B3GAT1: variants seen among roughly 807,000 people sequenced by gnomAD.
The protein encoded by B3GAT1 is galactosylgalactosylxylosylprotein 3-beta-glucuronosyltransferase 1.
In B3GAT1, 11 loss-of-function variants were observed where a neutral mutation model predicts 28.4. The observed-to-expected ratio is 0.39, with a 90% CI of 0.24 to 0.64. The LOEUF is 0.64. Among genes scored for constraint, B3GAT1 ranks in the 30% least tolerant of loss-of-function variants. The pLI is 0.50. For synonymous variants in B3GAT1, 255 were observed against 223.1 expected (o/e 1.14, Z -1.27); for missense variants, 375 against 491.0 (o/e 0.76, Z 2.23).
chr11:134,390,593 A>C (rs1304043978), intron 1 of B3GAT1: 1 of 152,272 alleles, frequency 6.6e-6, no homozygotes, highest in Non-Finnish European at 1.5e-5. Flanking sequence ...TTGTTTATAC[A>C]AACTTCCCTA....
chr11:134,393,522 C>T lies in B3GAT1; in HGVS notation c.-281-5582G>A, dbSNP rs1413383839. The stretch of plus-strand genomic sequence containing the variant: ...TGGTGAGCAGTCTGAGTGTAGCACC[C>T]TTTAGAATATGACTTTTCCCTGCCA... On this transcript the variant is annotated intron_variant, in intron 1 of 5. Transcript: ENST00000312527. The surrounding 1 kb of genome is among the most constrained non-coding windows in gnomAD (Gnocchi z 4.0). Among the ~76,000 whole-genome samples, 5 of 152,192 alleles carry T rather than the reference C, an allele frequency of 3.3e-5. No homozygotes were observed. Among genetic ancestry groups the T allele is most frequent in the Non-Finnish European group, 7.3e-5 (5 of 68,036 alleles).
intron 1 of B3GAT1, among the ~76,000 whole-genome samples, chr11:134,400,424 A>G (rs1487262630): frequency 2.0e-5 from 3 of 152,210 alleles, no homozygotes; most frequent in Non-Finnish European, 4.4e-5. Flanking sequence ...CAAATGAGGG[A>G]ATCAACGGAA....
At chr11:134,403,768 G>T (rs147725867) in intron 1 of B3GAT1, among the ~76,000 whole-genome samples, 1 of 152,052 alleles carries the variant, frequency 6.6e-6, no homozygotes, top group East Asian at 1.9e-4. Flanking sequence ...TAAAAAGGGA[G>T]AACATTTTAA....
rs1565463028 is a variant in B3GAT1 at position 134,412,098 on chromosome 11, G to GGGGA, written c.-574_-573insTCCC. Among the ~76,000 whole-genome samples the GGGGA allele has an allele frequency of 0.011, 520 of 48,258 alleles. 6 individuals are homozygous for GGGGA. The highest frequency in any genetic ancestry group is 0.031 in the South Asian group (40 of 1,310). 31.7% of individuals were successfully genotyped at this position (48,258 alleles called of 152,430 possible). On this transcript the variant is annotated 5_prime_UTR_variant, in exon 1 of 6. Transcript: ENST00000312527. ...GCGGGCAGGGAGGCGGGGGGCGGGG[G>GGGGA]GCGGGGAGGGGGAGCGGGGAGGGGG... is the stretch of plus-strand genomic sequence containing the variant.
intron 2 of B3GAT1, chr11:134,387,215 T>A: frequency 4.8e-5 from 13 of 269,570 alleles, no homozygotes; most frequent in Non-Finnish European, 7.1e-5. Context: ...ACTTCCCACC[T>A]CCCCCTCCCT....
In B3GAT1 at chr11:134,393,920, C is replaced by G. The variant is rs1335572105; in HGVS notation, c.-281-5980G>C. Among the ~76,000 whole-genome samples, 1 of 152,164 alleles carries G rather than the reference C, an allele frequency of 6.6e-6. No homozygotes were observed. Among genetic ancestry groups the G allele is most frequent in the Non-Finnish European group, 1.5e-5 (1 of 68,018 alleles). ...CTTTGTCCCACAGATCTCCAGGTGC[C>G]CCTAATGGGATCAGCGGATTAGTAT... On this transcript the variant is annotated intron_variant, in intron 1 of 5. Coordinates refer to ENST00000312527, the MANE Select transcript of B3GAT1 (RefSeq NM_054025.3). The surrounding 1 kb of genome is among the most constrained non-coding windows in gnomAD (Gnocchi z 4.0).
intron 1 of B3GAT1, among the ~76,000 whole-genome samples, chr11:134,401,751 TA>T (rs960461919): frequency 1.3e-5 from 2 of 151,672 alleles, no homozygotes; most frequent in East Asian, 1.9e-4. Flanking sequence ...ATAAAAAATT[TA>T]AAAAAAAGTA....
chr11:134,397,054 C>A lies in B3GAT1; in HGVS notation c.-281-9114G>T, dbSNP rs1471161507. Among the ~76,000 whole-genome samples the A allele has an allele frequency of 4.6e-5, 7 of 152,312 alleles. No individual in the cohort carries two copies. The East Asian group carries it at 1.4e-3, about 29-fold the overall frequency. On this transcript the variant is annotated intron_variant, in intron 1 of 5. Transcript: ENST00000312527. ...AAGCAGCTCTCATCCAAGCCCCCTT[C>A]TTTCTGTCATGGTCCCGGCATGAAA...
Position 134,383,794 on chromosome 11 carries a change from C to T in B3GAT1, c.507G>A (p.Gln169=). ...GCAGCCAGCGCAGGGCCAGGTTGCG[C>T]TGCATGGTGCCCCGCGGGATGCGTG... ...RDPRIPRGTM[Q]RNLALRWLRE... is the part of the protein sequence containing the mutation. Residue 169 remains glutamine, a synonymous_variant, in exon 3 of 6, where the codon CAG becomes CAA. Coordinates refer to ENST00000312527, the MANE Select transcript of B3GAT1 (RefSeq NM_054025.3). 2 of 1,597,284 alleles carry T rather than the reference C, an allele frequency of 1.3e-6. No homozygotes were observed. Among genetic ancestry groups the T allele is most frequent in the Non-Finnish European group, 1.7e-6 (2 of 1,172,590 alleles).
At position 134,384,390 on chromosome 11, in the gene B3GAT1, G is replaced by C; in HGVS notation, c.113-202C>G. 4 of 630,290 alleles carry C rather than the reference G, an allele frequency of 6.3e-6. No homozygotes were observed. In the South Asian group the frequency reaches 7.5e-5, roughly 12 times the overall value. The allele number at this position is 630,290 out of a possible 1,614,324, so 39.0% of individuals were successfully genotyped here. A position where few individuals can be genotyped will look rare whatever the true frequency, so the allele number is the denominator to read the frequency against. ...TCCTCTCTGGGAGGGTCCTAGCTCT[G>C]ATGACACAGACATAACCTCTTCCTT... On this transcript the variant is annotated intron_variant, in intron 2 of 5. Coordinates refer to ENST00000312527, the MANE Select transcript of B3GAT1 (RefSeq NM_054025.3).
rs901099999 is a variant in B3GAT1, at chr11:134,393,386, G to A, written c.-281-5446C>T. Among the ~76,000 whole-genome samples, 1 of 152,178 alleles carries A rather than the reference G, an allele frequency of 6.6e-6. No homozygotes were observed. Among genetic ancestry groups the A allele is most frequent in the Non-Finnish European group, 1.5e-5 (1 of 68,034 alleles). On this transcript the variant is annotated intron_variant, in intron 1 of 5. Transcript: ENST00000312527. This position sits in a 1 kb window ranked among gnomAD's most constrained non-coding sequence, Gnocchi z 4.0. ...TGGCTCTCAGCACTTCCGCTCAGCC[G>A]ACACGGGGTCAGGGAGGTCTGTGCT...
At chr11:134,381,719 C>G in intron 5 of B3GAT1, 1 of 563,438 alleles carries the variant, frequency 1.8e-6, no homozygotes, top group South Asian at 2.2e-5. Flanking sequence ...GCAGAAGGAC[C>G]CAGCTGCGTG....
chr11:134,383,249 C>T (rs1198114575), intron 3 of B3GAT1, among the ~76,000 whole-genome samples: 2 of 152,162 alleles, frequency 1.3e-5, no homozygotes, highest in African/African-American at 4.8e-5. Flanking sequence ...TTCCCCTTCT[C>T]AGCGTGGCCC....
intron 1 of B3GAT1, chr11:134,389,359 TC>T: frequency 6.6e-6 from 1 of 152,310 alleles, no homozygotes; most frequent in Non-Finnish European, 1.5e-5. Flanking sequence ...AGAAGAGGGG[TC>T]CCCGCAGGGG....
rs771584558 is a variant in B3GAT1 at position 134,387,878 on chromosome 11, A to C, written c.-219T>G. 2 of 1,515,396 alleles carry C rather than the reference A, an allele frequency of 1.3e-6. No individual in the cohort carries two copies. The highest frequency in any genetic ancestry group is 1.8e-6 in the Non-Finnish European group (2 of 1,133,876). The allele number at this position is 1,515,396 out of a possible 1,614,324, so 93.9% of individuals were successfully genotyped here. On this transcript the variant is annotated 5_prime_UTR_variant, in exon 2 of 6. Coordinates refer to ENST00000312527, the MANE Select transcript of B3GAT1 (RefSeq NM_054025.3). ...AAGCAGGTTTGGAGAGTCCGGCCCA[A>C]CTGGAGTCTGAGAAGGGGTCGCTGT...
rs1944509915 is a variant in B3GAT1 at position 134,396,633 on chromosome 11, A to T, written c.-281-8693T>A. Among the ~76,000 whole-genome samples, 3 of 152,126 alleles carry T rather than the reference A, an allele frequency of 2.0e-5. No homozygotes were observed. In the South Asian group the frequency reaches 6.2e-4, roughly 32 times the overall value. On this transcript the variant is annotated intron_variant, in intron 1 of 5. Coordinates refer to ENST00000312527, the MANE Select transcript of B3GAT1 (RefSeq NM_054025.3). ...GCTGTCAGGATAACTAGAAAAAAAA[A>T]AATCAGGCAAACCGTCTGCCACATA...
At chr11:134,400,029 T>C (rs1479744350) in intron 1 of B3GAT1, among the ~76,000 whole-genome samples, 1 of 152,120 alleles carries the variant, frequency 6.6e-6, no homozygotes, top group African/African-American at 2.4e-5. Flanking sequence ...CCTGCTGTCA[T>C]GCTGCCCTAG....
chr11:134,397,481 G>C (rs1396767774), intron 1 of B3GAT1, among the ~76,000 whole-genome samples: 1 of 152,228 alleles, frequency 6.6e-6, no homozygotes, highest in Admixed American at 6.5e-5. Context: ...CCTGTGGTGA[G>C]ATGCAACGTG....
At chr11:134,387,275 C>T (rs762021948) in intron 2 of B3GAT1, 3 of 422,292 alleles carry the variant, frequency 7.1e-6, no homozygotes, top group Non-Finnish European at 4.2e-6. Flanking sequence ...AGGGCGTGCC[C>T]CCTCCTCTTG....
Sources: gnomAD v4.1 joint callset for allele counts (sites outside exome capture counted in the v4.1 genomes callset) on GRCh38, gnomAD v4.1.1 for gene constraint, Gnocchi (gnomAD v3.1) non-coding constraint, MANE v1.5 for transcripts, NCBI Gene and HGNC (gene_info 2026-07-23, HGNC 2026-07-21) for gene names.